TNIK: variants seen among roughly 807,000 people sequenced by gnomAD.
TNIK encodes the protein TRAF2 and NCK interacting kinase, also known as TRAF2 and NCK-interacting protein kinase.
Under a neutral mutation model 191.3 loss-of-function variants are expected in TNIK, and 49 were observed. That is an observed-to-expected ratio of 0.26 (90% CI 0.20 to 0.32). TNIK has a LOEUF of 0.32. Ranked by LOEUF, TNIK falls within the 10% of genes least tolerant of loss-of-function variation. TNIK has a pLI of 1.00. For synonymous variants in TNIK, 594 were observed against 600.9 expected (o/e 0.99, Z 0.17); for missense variants, 1,155 against 1,702.3 (o/e 0.68, Z 5.66).
At chr3:171,452,128 G>A (rs1255853497) in intron 1 of TNIK, among the ~76,000 whole-genome samples, 2 of 152,200 alleles carry the variant, frequency 1.3e-5, no homozygotes, top group Non-Finnish European at 2.9e-5. Context: ...GGAGTACCCA[G>A]CGGAAGTCAC....
chr3:171,374,787 T>C (rs1716992396), intron 1 of TNIK, among the ~76,000 whole-genome samples: 1 of 152,222 alleles, frequency 6.6e-6, no homozygotes, highest in African/African-American at 2.4e-5. Context: ...ACAGTAATAG[T>C]GAACATTTCA....
intron 3 of TNIK, among the ~76,000 whole-genome samples, chr3:171,223,391 AT>A (rs1191791627): frequency 6.6e-6 from 1 of 152,184 alleles, no homozygotes; most frequent in Non-Finnish European, 1.5e-5. Flanking sequence ...GCAAAAGACC[AT>A]TTTTTTCATC....
intron 2 of TNIK, among the ~76,000 whole-genome samples, chr3:171,329,406 G>C (rs73171592): frequency 0.058 from 8,848 of 152,058 alleles, 359 homozygotes; most frequent in Middle Eastern, 0.088. Flanking sequence ...AAAACAGCAG[G>C]GCCTCCAGAT....
intron 2 of TNIK, among the ~76,000 whole-genome samples, chr3:171,363,303 T>G (rs1350667643): frequency 1.3e-5 from 2 of 152,172 alleles, no homozygotes; most frequent in African/African-American, 2.4e-5. Context: ...ATAACCACCA[T>G]GAGGAATAAC....
intron 2 of TNIK, among the ~76,000 whole-genome samples, chr3:171,349,023 T>C (rs990058940): frequency 2.1e-4 from 24 of 116,920 alleles, no homozygotes; most frequent in African/African-American, 6.7e-4. Context: ...TAGGATGAAC[T>C]TGGAAAAAAA....
At chr3:171,177,264 G>A (rs1053118008) in intron 8 of TNIK, 62 bp downstream of exon 8, 5 of 1,544,004 alleles carry the variant, frequency 3.2e-6, no homozygotes, top group Non-Finnish European at 4.4e-6. Flanking sequence ...CTCCTGGCAA[G>A]GAAACTTCAG....
chr3:171,408,089 C>T (rs1721943292), intron 1 of TNIK, among the ~76,000 whole-genome samples: 1 of 152,016 alleles, frequency 6.6e-6, no homozygotes, highest in Admixed American at 6.5e-5. Context: ...ATATAATTTC[C>T]ATAAAAAACC....
At chr3:171,295,052 G>A (rs1239404114) in intron 2 of TNIK, among the ~76,000 whole-genome samples, 2 of 152,028 alleles carry the variant, frequency 1.3e-5, no homozygotes, top group Non-Finnish European at 2.9e-5. Context: ...AGCAGACAGT[G>A]TGGGCAGTTT....
At chr3:171,379,493 G>T (rs16856233) in intron 1 of TNIK, among the ~76,000 whole-genome samples, 4 of 152,034 alleles carry the variant, frequency 2.6e-5, no homozygotes, top group Non-Finnish European at 5.9e-5. Context: ...CCCAAGTCAC[G>T]ACTACAAACC....
intron 1 of TNIK, among the ~76,000 whole-genome samples, chr3:171,371,817 T>C (rs753805570): frequency 6.6e-6 from 1 of 152,236 alleles, no homozygotes; most frequent in African/African-American, 2.4e-5. Flanking sequence ...TGTTTGTTTC[T>C]AAGCTGTGCT....
intron 1 of TNIK, among the ~76,000 whole-genome samples, chr3:171,436,543 G>A (rs753647113): frequency 2.0e-5 from 3 of 151,914 alleles, no homozygotes; most frequent in Non-Finnish European, 4.4e-5. Context: ...AAGCTAGTAA[G>A]CTATAGCACC....
Position 171,059,068 on chromosome 3 carries a change from C to T in TNIK, c.*4813G>A, listed in dbSNP as rs985512924. Among the ~76,000 whole-genome samples the T allele has an allele frequency of 2.6e-5, 4 of 152,180 alleles. No individual in the cohort carries two copies. The highest frequency in any genetic ancestry group is 9.7e-5 in the African/African-American group (4 of 41,442). ...TGCCAGAAATGAAAACTCACCTTTC[C>T]ACCAGCATTTGCTCAGCCTCAATAG... is the stretch of plus-strand genomic sequence containing the variant. On this transcript the variant is annotated 3_prime_UTR_variant, in exon 33 of 33. Transcript: ENST00000436636.
At chr3:171,312,584 C>A (rs1446128800) in intron 2 of TNIK, among the ~76,000 whole-genome samples, 1 of 152,032 alleles carries the variant, frequency 6.6e-6, no homozygotes, top group Non-Finnish European at 1.5e-5. Flanking sequence ...TAACTGGGTG[C>A]TTTGAATTGT....
At position 171,128,741 on chromosome 3, in the gene TNIK, G is replaced by A; in HGVS notation, c.1746C>T (p.Pro582=). ...GGGGATCGACTGGTCTGAGCATGGG[G>A]GGTGTTCGAGCAGGCTGAACTCCAC... ...SISGVQPART[P]PMLRPVDPQI... is the part of the protein sequence containing the mutation. The change falls in exon 16 of 33, where the codon CCC becomes CCT. Residue 582 remains proline (P), a synonymous_variant. Coordinates refer to ENST00000436636, the MANE Select transcript of TNIK (RefSeq NM_015028.4). 2 of 1,613,482 alleles carry A rather than the reference G, an allele frequency of 1.2e-6. No homozygotes were observed. The highest frequency in any genetic ancestry group is 1.3e-5 in the African/African-American group (1 of 74,924).
intron 9 of TNIK, among the ~76,000 whole-genome samples, 177 bp from the exon 10 acceptor site, chr3:171,167,447 C>T (rs1046111996): frequency 1.9e-4 from 29 of 152,140 alleles, no homozygotes; most frequent in African/African-American, 6.5e-4. Flanking sequence ...GGTTCAAAGG[C>T]ATCATCATCA....
chr3:171,340,534 C>T (rs1247916755), intron 2 of TNIK, among the ~76,000 whole-genome samples: 1 of 152,176 alleles, frequency 6.6e-6, no homozygotes. Context: ...ACTGCCTGAT[C>T]CCATGGCACA....
chr3:171,264,590 T>C (rs1476259183), intron 2 of TNIK, among the ~76,000 whole-genome samples: 1 of 152,138 alleles, frequency 6.6e-6, no homozygotes, highest in Admixed American at 6.5e-5. Flanking sequence ...GGGAGCAGTG[T>C]GAAACAGAAG....
chr3:171,145,581 G>A (rs1381712080), intron 12 of TNIK, among the ~76,000 whole-genome samples: 1 of 152,162 alleles, frequency 6.6e-6, no homozygotes, highest in African/African-American at 2.4e-5. Context: ...TGAGGGAATA[G>A]TAATTTTGTC....
At position 171,126,001 on chromosome 3, in the gene TNIK, G is replaced by A. The variant is rs1308264423; in HGVS notation, c.1924C>T (p.Pro642Ser). 2 of 1,613,964 alleles carry A rather than the reference G, an allele frequency of 1.2e-6. No homozygotes were observed. Among genetic ancestry groups the A allele is most frequent in the South Asian group, 2.2e-5 (2 of 91,080 alleles). The change falls in exon 17 of 33, where the codon CCC (proline) becomes TCC (serine). Residue 642 changes from proline to serine, a missense_variant. By Grantham distance (74) the Pro-to-Ser change is moderately conservative. Transcript: ENST00000436636. ...RVEMPRQNSD[P>S]TSENPPLPTR... ...GGGAGAGGAGGATTTTCCGAGGTGGGATCTGAGTTCTGGCGTGGCATCTCC... is the reference window on the plus strand; with the variant it reads ...GGGAGAGGAGGATTTTCCGAGGTGGAATCTGAGTTCTGGCGTGGCATCTCC...
Sources: allele counts gnomAD v4.1 joint callset (sites outside exome capture counted in the v4.1 genomes callset), GRCh38; gene constraint gnomAD v4.1.1; transcripts MANE v1.5; gene names NCBI Gene and HGNC (gene_info 2026-07-23, HGNC 2026-07-21).